Variants in MALRD1 observed in about 807,000 individuals in gnomAD.
The protein encoded by MALRD1 is MAM and LDL receptor class A domain containing 1, also known as MAM and LDL-receptor class A domain-containing protein 1.
In MALRD1, 247 loss-of-function variants were observed where a neutral mutation model predicts 242.1. The observed-to-expected ratio is 1.02, with a 90% CI of 0.92 to 1.13. The LOEUF (loss-of-function observed/expected upper bound fraction) is 1.13, where lower values mean the gene tolerates loss of function less well. Among genes scored for constraint, MALRD1 ranks in the 50% most tolerant of loss-of-function variants. The probability of loss-of-function intolerance (pLI) is 0.00; values close to 1 mark genes in which losing one functional copy is unlikely to be tolerated. For missense variants in MALRD1, 2,989 were observed against 2,533.1 expected (o/e 1.18, Z -3.86); for synonymous variants, 995 against 866.6 (o/e 1.15, Z -2.60).
chr10:19,448,599 C>T (rs1835135381), intron 28 of MALRD1, among the ~76,000 whole-genome samples: 1 of 151,922 alleles, frequency 6.6e-6, no homozygotes, highest in Admixed American at 6.6e-5. Context: ...CATTTTTATT[C>T]GGTCATTGGG....
At position 19,734,177 on chromosome 10, in the gene MALRD1, A is replaced by C; in HGVS notation, c.6411A>C (p.Ser2137=). ...GTCAGAGTTCTGTCTATTCCTTCTC[A>C]AACCCATTATATGGCACAACATCAG... ...EKTESSVYSF[S]NPLYGTTSGS... Residue 2137 remains serine, a synonymous_variant, in exon 40 of 40, where the codon TCA becomes TCC. Transcript: ENST00000454679. 1 of 1,535,562 alleles carries C rather than the reference A, an allele frequency of 6.5e-7. No homozygotes were observed. Among genetic ancestry groups the C allele is most frequent in the Non-Finnish European group, 8.7e-7 (1 of 1,146,668 alleles).
chr10:19,262,870 G>A (rs1421632416), intron 19 of MALRD1, among the ~76,000 whole-genome samples: 1 of 152,012 alleles, frequency 6.6e-6, no homozygotes, highest in African/African-American at 2.4e-5. Flanking sequence ...CCTCTTACAT[G>A]TGCAATCATG....
chr10:19,371,952 A>G (rs1388195067), intron 26 of MALRD1, among the ~76,000 whole-genome samples: 3 of 152,174 alleles, frequency 2.0e-5, no homozygotes, highest in African/African-American at 7.2e-5. Flanking sequence ...AGTATACAGA[A>G]GGTCTAAAGG....
intron 26 of MALRD1, among the ~76,000 whole-genome samples, chr10:19,378,251 A>G (rs1845691998): frequency 6.6e-6 from 1 of 152,176 alleles, no homozygotes; most frequent in Non-Finnish European, 1.5e-5. Context: ...TTGCATTTCC[A>G]AAAGCATTAT....
At chr10:19,522,225 A>G (rs1479670862) in intron 31 of MALRD1, among the ~76,000 whole-genome samples, 2 of 152,138 alleles carry the variant, frequency 1.3e-5, no homozygotes, top group Admixed American at 6.5e-5. Context: ...TTCTTCTACA[A>G]ACTGAGTTCT....
chr10:19,433,266 A>G (rs1027200160), intron 28 of MALRD1, among the ~76,000 whole-genome samples: 1 of 152,000 alleles, frequency 6.6e-6, no homozygotes, highest in Non-Finnish European at 1.5e-5. Flanking sequence ...GAAGGCTCCC[A>G]TGAGGACGTG....
At chr10:19,132,026 G>A (rs1295493779) in intron 8 of MALRD1, among the ~76,000 whole-genome samples, 1 of 152,090 alleles carries the variant, frequency 6.6e-6, no homozygotes, top group Non-Finnish European at 1.5e-5. Flanking sequence ...GAAAAATCTA[G>A]ATCTCATTCA....
chr10:19,645,145 A>T (rs975709089), intron 36 of MALRD1, among the ~76,000 whole-genome samples: 2 of 152,088 alleles, frequency 1.3e-5, no homozygotes, highest in African/African-American at 2.4e-5. Flanking sequence ...AATGGATAGG[A>T]CATCAGAGAA....
intron 17 of MALRD1, among the ~76,000 whole-genome samples, chr10:19,207,344 A>G (rs1588697868): frequency 6.6e-6 from 1 of 152,270 alleles, no homozygotes; most frequent in Non-Finnish European, 1.5e-5. Context: ...TACCCTAGAA[A>G]TTTAGATAGA....
chr10:19,652,479 G>A (rs1840945241), intron 36 of MALRD1, among the ~76,000 whole-genome samples: 1 of 152,198 alleles, frequency 6.6e-6, no homozygotes, highest in South Asian at 2.1e-4. Context: ...GTATGATACT[G>A]TAAAGAGTAT....
At chr10:19,099,841 C>T (rs1197452709) in intron 4 of MALRD1, among the ~76,000 whole-genome samples, 1 of 151,458 alleles carries the variant, frequency 6.6e-6, no homozygotes, top group Non-Finnish European at 1.5e-5. Context: ...TCTCAGATTG[C>T]AACCTCTGCC....
chr10:19,286,738 G>C (rs1394683930), intron 21 of MALRD1, among the ~76,000 whole-genome samples: 3 of 151,054 alleles, frequency 2.0e-5, no homozygotes, highest in Admixed American at 2.0e-4. Context: ...TTCTACCAGA[G>C]GTACAAGGAG....
chr10:19,407,811 C>T (rs1040344510), intron 28 of MALRD1, among the ~76,000 whole-genome samples: 3 of 152,150 alleles, frequency 2.0e-5, no homozygotes, highest in African/African-American at 7.2e-5. Context: ...TGAAGCTGCA[C>T]ATATTATCCT....
At chr10:19,718,598 A>G (rs1011760892) in intron 38 of MALRD1, among the ~76,000 whole-genome samples, 1 of 152,148 alleles carries the variant, frequency 6.6e-6, no homozygotes, top group Non-Finnish European at 1.5e-5. Flanking sequence ...TAGGGATCGC[A>G]TTTCATCATG....
In MALRD1 at chr10:19,048,818, C is replaced by T. The variant is rs1017439395; in HGVS notation, c.-121C>T. ...AATTTGTTAGAGTTGCAGATAGTTA[C>T]CAATAGTATCCAGTTATAAGAAGCA... On this transcript the variant is annotated 5_prime_UTR_variant, in exon 1 of 40. Transcript: ENST00000454679. The T allele has an allele frequency of 5.8e-6, 4 of 688,798 alleles. No homozygotes were observed. Among genetic ancestry groups the T allele is most frequent in the Admixed American group, 8.7e-5 (2 of 23,024 alleles). The allele number at this position is 688,798 out of a possible 1,614,324, so 42.7% of individuals were successfully genotyped here.
At position 19,155,088 on chromosome 10, in the gene MALRD1, T is replaced by A. The variant is rs1169387361; in HGVS notation, c.1572T>A (p.Tyr524Ter). ...TTGTTTTTTCAGGATCGTTTATTTATTTGGAGGCACAGCGCTCCCCCGGGG... is the reference window on the plus strand; with the variant it reads ...TTGTTTTTTCAGGATCGTTTATTTAATTGGAGGCACAGCGCTCCCCCGGGG... The part of the protein sequence containing the change: ...TANINHGSFI[Y>*]LEAQRSPGVA... The change falls in exon 12 of 40, where the codon TAT (tyrosine) becomes TAA (stop). Residue 524 changes from tyrosine (Y) to a stop codon, truncating the protein, a stop_gained. Coordinates refer to ENST00000454679, the MANE Select transcript of MALRD1 (RefSeq NM_001142308.3). LOFTEE classifies it high-confidence loss of function. 38 of 1,231,560 alleles carry A rather than the reference T, an allele frequency of 3.1e-5. 1 individual carries two copies. The East Asian group carries it at 1.2e-3, about 39-fold the overall frequency. 76.3% of individuals were successfully genotyped at this position (1,231,560 alleles called of 1,614,324 possible). A position where few individuals can be genotyped will look rare whatever the true frequency, so the allele number is the denominator to read the frequency against.
intron 4 of MALRD1, among the ~76,000 whole-genome samples, chr10:19,102,980 TGGGATTATAGGTGCCCGCCA>T (rs1441641908): frequency 6.6e-6 from 1 of 151,952 alleles, no homozygotes; most frequent in Non-Finnish European, 1.5e-5. Flanking sequence ...CCTGAGTATA[TGGGATTATAGGTGCCCGCCA>T]CCACTCCCAG....
At chr10:19,055,454 C>A (rs1834634747) in intron 1 of MALRD1, among the ~76,000 whole-genome samples, 2 of 152,136 alleles carry the variant, frequency 1.3e-5, no homozygotes, top group South Asian at 4.1e-4. Context: ...CTTTTGGGGA[C>A]ATAGCCAAAA....
chr10:19,252,537 G>A (rs923431886), intron 18 of MALRD1, among the ~76,000 whole-genome samples: 10 of 151,912 alleles, frequency 6.6e-5, no homozygotes, highest in African/African-American at 1.7e-4. Context: ...TTATGATTTT[G>A]TTTCCCAAAA....
Sources: allele counts gnomAD v4.1 joint callset (sites outside exome capture counted in the v4.1 genomes callset), GRCh38; gene constraint gnomAD v4.1.1; transcripts MANE v1.5; gene names NCBI Gene and HGNC (gene_info 2026-07-23, HGNC 2026-07-21).